Variants in RGS7 observed in about 807,000 individuals in gnomAD.
The protein encoded by RGS7 is regulator of G protein signaling 7, also known as regulator of G-protein signaling 7.
A neutral mutation model predicts 81.1 loss-of-function variants in RGS7; 27 were observed. That is an observed-to-expected ratio of 0.33 (90% confidence interval 0.25 to 0.46). The LOEUF (loss-of-function observed/expected upper bound fraction) is 0.46. RGS7 is among the 20% of genes least tolerant of loss of function. The probability of loss-of-function intolerance (pLI) is 1.00; values close to 1 mark genes in which losing one functional copy is unlikely to be tolerated. For synonymous variants in RGS7, 208 were observed against 207.7 expected (o/e 1.00, Z -0.01); for missense variants, 396 against 607.4 (o/e 0.65, Z 3.66).
At chr1:241,123,269 A>C (rs985002657) in intron 2 of RGS7, among the ~76,000 whole-genome samples, 2 of 152,102 alleles carry the variant, frequency 1.3e-5, no homozygotes, top group Non-Finnish European at 2.9e-5. Context: ...TAATCAGCCT[A>C]TCTACCTCAC....
chr1:240,882,702 GTCCATTTTTTTTCATT>G (rs1290264032), intron 6 of RGS7, among the ~76,000 whole-genome samples: 2 of 152,030 alleles, frequency 1.3e-5, no homozygotes, highest in African/African-American at 4.8e-5. Context: ...TTTTCTTGGG[GTCCATTTTTTTTCATT>G]TCTGAGAATA....
chr1:240,983,630 C>A (rs1360737446), intron 3 of RGS7, among the ~76,000 whole-genome samples: 1 of 152,150 alleles, frequency 6.6e-6, no homozygotes, highest in Non-Finnish European at 1.5e-5. Context: ...GAAATGTCTT[C>A]CCACTATTTT....
chr1:241,301,558 G>A (rs1197535709), intron 2 of RGS7, among the ~76,000 whole-genome samples: 2 of 152,232 alleles, frequency 1.3e-5, no homozygotes, highest in African/African-American at 4.8e-5. Flanking sequence ...AGTGTTTGCT[G>A]AAGGACAATG....
rs755005127 is a variant in RGS7, at chr1:240,816,448, C to A, written c.685-33G>T. The A allele has an allele frequency of 3.7e-6, 5 of 1,359,264 alleles. No homozygotes were observed. In the Middle Eastern group the frequency reaches 7.3e-4, roughly 199 times the overall value. 84.2% of individuals were successfully genotyped at this position (1,359,264 alleles called of 1,614,324 possible). ...AAAATAAAAAATAAACATTTTAGGA[C>A]AAAATACCGTTTACAGTCACAGACT... is the stretch of plus-strand genomic sequence containing the variant. On this transcript the variant is annotated intron_variant, in intron 10 of 18. Transcript: ENST00000440928.
chr1:240,952,315 A>G (rs1679700015), intron 4 of RGS7, among the ~76,000 whole-genome samples: 1 of 152,116 alleles, frequency 6.6e-6, no homozygotes, highest in Non-Finnish European at 1.5e-5. Flanking sequence ...TGATTATAAA[A>G]TATGGATAAG....
intron 2 of RGS7, among the ~76,000 whole-genome samples, chr1:241,324,511 T>C (rs955184265): frequency 6.6e-6 from 1 of 152,184 alleles, no homozygotes; most frequent in African/African-American, 2.4e-5. Context: ...GAACTTTCTG[T>C]CTTCTAATAC....
At chr1:240,878,833 T>C (rs1665914127) in intron 6 of RGS7, among the ~76,000 whole-genome samples, 2 of 152,220 alleles carry the variant, frequency 1.3e-5, no homozygotes, top group South Asian at 4.1e-4. Flanking sequence ...ATGTAGCTTA[T>C]TTCCCTTAAC....
At chr1:240,883,139 C>T (rs1666712957) in intron 6 of RGS7, among the ~76,000 whole-genome samples, 1 of 120,692 alleles carries the variant, frequency 8.3e-6, no homozygotes, top group Non-Finnish European at 1.6e-5. Flanking sequence ...TCCAGTCTAT[C>T]GTTGTTGGAC....
In RGS7 at chr1:240,805,768, C is replaced by A. The variant is rs937442952; in HGVS notation, c.1269+372G>T. Among the ~76,000 whole-genome samples, 6 of 151,678 alleles carry A rather than the reference C, an allele frequency of 4.0e-5. No individual in the cohort carries two copies. In the South Asian group the frequency reaches 1.3e-3, roughly 32 times the overall value. On this transcript the variant is annotated intron_variant, in intron 15 of 18. Transcript: ENST00000440928. ...TCTTAGAATGTCTACATTGAAGATG[C>A]CTTAAAGATTTTAAATCTTTTTAAA...
At chr1:240,860,146 A>ACGTGTATTCT (rs1661935656) in intron 9 of RGS7, among the ~76,000 whole-genome samples, 1 of 152,168 alleles carries the variant, frequency 6.6e-6, no homozygotes, top group African/African-American at 2.4e-5. Flanking sequence ...GCTCCATGGA[A>ACGTGTATTCT]GCTTGAGAAG....
At chr1:241,060,964 A>C (rs2061710748) in intron 3 of RGS7, among the ~76,000 whole-genome samples, 1 of 152,230 alleles carries the variant, frequency 6.6e-6, no homozygotes, top group Non-Finnish European at 1.5e-5. Flanking sequence ...TCTCCTGGTC[A>C]ATGGGTCACC....
intron 3 of RGS7, among the ~76,000 whole-genome samples, chr1:241,059,573 C>T (rs1318325196): frequency 1.3e-5 from 2 of 152,050 alleles, no homozygotes; most frequent in Middle Eastern, 3.2e-3. Flanking sequence ...CATAATTTTT[C>T]GTTTGTGGAT....
At chr1:241,116,035 C>A (rs1276021132) in intron 2 of RGS7, among the ~76,000 whole-genome samples, 1 of 152,112 alleles carries the variant, frequency 6.6e-6, no homozygotes, top group Non-Finnish European at 1.5e-5. Context: ...TCCTCTTTGC[C>A]TTCTGCCATG....
chr1:241,098,228 T>C (rs146379109), intron 3 of RGS7, among the ~76,000 whole-genome samples: 2 of 152,302 alleles, frequency 1.3e-5, no homozygotes, highest in Admixed American at 6.5e-5. Flanking sequence ...GTGAGCACAG[T>C]TGGTGGTGAC....
At chr1:240,821,860 TAC>T (rs1288149104) in intron 10 of RGS7, among the ~76,000 whole-genome samples, 2 of 152,194 alleles carry the variant, frequency 1.3e-5, no homozygotes, top group Non-Finnish European at 2.9e-5. Flanking sequence ...GGTGCTAAGT[TAC>T]AGGAGGGAGC....
At chr1:240,824,278 C>T (rs1435818470) in intron 10 of RGS7, among the ~76,000 whole-genome samples, 3 of 152,268 alleles carry the variant, frequency 2.0e-5, no homozygotes, top group South Asian at 2.1e-4. Context: ...TGTCACGGCA[C>T]GTAATTACAG....
chr1:241,053,333 A>G lies in RGS7; in HGVS notation c.175+45333T>C, dbSNP rs145370368. 2.6e-5 allele frequency among the ~76,000 whole-genome samples: 4 copies of G among 152,296 alleles called. No homozygotes were observed. In the East Asian group the frequency reaches 7.7e-4, roughly 29 times the overall value. On this transcript the variant is annotated intron_variant, in intron 3 of 18. Coordinates refer to ENST00000440928, the MANE Select transcript of RGS7 (RefSeq NM_001364886.1). Reference sequence around the variant, plus strand: ...GGCCCTTACAGGCCTTGCACTCTTTATCGTGGCCTTGTAGATCTTTGCTTA... The same window carrying G: ...GGCCCTTACAGGCCTTGCACTCTTTGTCGTGGCCTTGTAGATCTTTGCTTA...
chr1:240,911,261 C>T (rs1054901269), intron 6 of RGS7, among the ~76,000 whole-genome samples: 5 of 152,038 alleles, frequency 3.3e-5, no homozygotes, highest in African/African-American at 1.2e-4. Flanking sequence ...ATCCATCCAT[C>T]CATCTCTTTC....
chr1:241,139,839 CT>C (rs2067800227), intron 2 of RGS7, among the ~76,000 whole-genome samples: 1 of 152,192 alleles, frequency 6.6e-6, no homozygotes, highest in South Asian at 2.1e-4. Context: ...CGCAACTGAT[CT>C]TTTCTTGTCA....
Sources: gnomAD v4.1 joint callset for allele counts (sites outside exome capture counted in the v4.1 genomes callset) on GRCh38, gnomAD v4.1.1 for gene constraint, MANE v1.5 for transcripts, NCBI Gene and HGNC (gene_info 2026-07-23, HGNC 2026-07-21) for gene names.